The following TCF12 variants were observed in gnomAD, a reference collection of about 807,000 sequenced individuals.
The protein encoded by TCF12 is transcription factor 12, also known as DNA-binding protein HTF4.
In TCF12, 45 loss-of-function variants were observed where a neutral mutation model predicts 86.0. The observed-to-expected ratio is 0.52, with a 90% confidence interval of 0.41 to 0.67. The LOEUF is 0.67. Among genes scored for constraint, TCF12 ranks in the 30% least tolerant of loss-of-function variants. The pLI is 0.00. For missense variants in TCF12, 881 were observed against 859.9 expected (o/e 1.02, Z -0.31); for synonymous variants, 330 against 299.6 (o/e 1.10, Z -1.05).
chr15:57,049,932 T>G (rs1470327393), intron 3 of TCF12, among the ~76,000 whole-genome samples: 2 of 152,240 alleles, frequency 1.3e-5, no homozygotes, highest in Non-Finnish European at 2.9e-5. Flanking sequence ...GACTTATTAA[T>G]CAAATATTTT....
chr15:57,077,747 A>AG (rs1190532363), intron 4 of TCF12, among the ~76,000 whole-genome samples: 1 of 117,250 alleles, frequency 8.5e-6, no homozygotes, highest in Non-Finnish European at 2.0e-5. Flanking sequence ...GTAGTTTTTT[A>AG]AAAAAAAAAA....
intron 6 of TCF12, among the ~76,000 whole-genome samples, chr15:57,189,093 G>A (rs1346875518): frequency 6.6e-6 from 1 of 152,106 alleles, no homozygotes; most frequent in African/African-American, 2.4e-5. Flanking sequence ...CTAGCCTACA[G>A]TAATGAACTC....
intron 3 of TCF12, among the ~76,000 whole-genome samples, chr15:56,936,500 T>G (rs567665422): frequency 5.3e-5 from 8 of 152,262 alleles, no homozygotes; most frequent in Admixed American, 5.2e-4. Context: ...GCTACCTCTT[T>G]ATCTTTGTTT....
Position 57,075,809 on chromosome 15 carries a change from TCTC to T in TCF12, c.222+11987_222+11989del, listed in dbSNP as rs1567370743. ...TTCTTTCTTTCTTTCTTTCTTTCTCTCTCTCTCTCTCTCTCTCTCTCTCTCTTT... is the reference window on the plus strand; with the variant it reads ...TTCTTTCTTTCTTTCTTTCTTTCTCTTCTCTCTCTCTCTCTCTCTCTCTTT... On this transcript the variant is annotated intron_variant, in intron 4 of 20. Coordinates refer to ENST00000333725, the MANE Select transcript of TCF12 (RefSeq NM_207037.2). Among the ~76,000 whole-genome samples the T allele has an allele frequency of 5.9e-4, 48 of 81,660 alleles. 1 individual carries two copies. Among genetic ancestry groups the T allele is most frequent in the African/African-American group, 2.6e-3 (48 of 18,724 alleles). 53.6% of individuals were successfully genotyped at this position (81,660 alleles called of 152,430 possible). A position where few individuals can be genotyped will look rare whatever the true frequency, so the allele number is the denominator to read the frequency against.
intron 17 of TCF12, among the ~76,000 whole-genome samples, chr15:57,262,661 A>G (rs1375735286): frequency 2.0e-5 from 3 of 152,180 alleles, no homozygotes; most frequent in African/African-American, 7.2e-5. Flanking sequence ...TAGAGCTTAC[A>G]AGTAAGTGTG....
chr15:57,054,172 T>C (rs1323125735), intron 3 of TCF12, among the ~76,000 whole-genome samples: 1 of 152,206 alleles, frequency 6.6e-6, no homozygotes. Context: ...ATTAATGGTC[T>C]AAGACTTGAA....
At chr15:57,090,889 G>T (rs1304986878) in intron 4 of TCF12, among the ~76,000 whole-genome samples, 2 of 152,140 alleles carry the variant, frequency 1.3e-5, no homozygotes, top group Admixed American at 6.6e-5. Flanking sequence ...TGGAGGTAAT[G>T]CTGTACTTAA....
intron 8 of TCF12, among the ~76,000 whole-genome samples, chr15:57,198,973 C>A (rs1194732470): frequency 6.6e-6 from 1 of 152,138 alleles, no homozygotes; most frequent in Non-Finnish European, 1.5e-5. Context: ...CCGTGTGATA[C>A]ATGAAAAGTC....
chr15:57,261,965 C>G (rs1414803657), intron 16 of TCF12, 129 bp from the exon 17 acceptor site: 5 of 542,016 alleles, frequency 9.2e-6, no homozygotes, highest in African/African-American at 1.9e-5. Context: ...ATAATGGCAT[C>G]CAGAAAAAGT....
chr15:57,044,396 T>C (rs1332647641), intron 3 of TCF12, among the ~76,000 whole-genome samples: 4 of 151,110 alleles, frequency 2.6e-5, no homozygotes, highest in African/African-American at 2.4e-5. Flanking sequence ...ACCCCGTCTC[T>C]TAAAAAAAAA....
At chr15:56,921,215 TGA>T in intron 3 of TCF12, 117 bp downstream of exon 3, 1 of 577,804 alleles carries the variant, frequency 1.7e-6, no homozygotes, top group Non-Finnish European at 2.6e-6. Flanking sequence ...AAGATGGAAT[TGA>T]GTCAAGTGAT....
At chr15:57,252,340 T>C in intron 14 of TCF12, 81 bp from the exon 15 acceptor site, 2 of 985,800 alleles carry the variant, frequency 2.0e-6, no homozygotes, top group Non-Finnish European at 3.2e-6. Flanking sequence ...TATGCTGACA[T>C]GCATATCAGC....
At chr15:56,993,728 T>G (rs117623680) in intron 3 of TCF12, among the ~76,000 whole-genome samples, 3,567 of 152,334 alleles carry the variant, frequency 0.023, 61 homozygotes, top group Non-Finnish European at 0.036. Context: ...ATAGAAGCCA[T>G]GTTAGAGCTC....
intron 16 of TCF12, 124 bp downstream of exon 16, chr15:57,253,592 CT>C: frequency 8.9e-7 from 1 of 1,123,446 alleles, no homozygotes; most frequent in Non-Finnish European, 1.3e-6. Flanking sequence ...TCAGAATTTT[CT>C]TTACTGTCTT....
chr15:57,018,058 T>G (rs1219032754), intron 3 of TCF12, among the ~76,000 whole-genome samples: 1 of 152,182 alleles, frequency 6.6e-6, no homozygotes, highest in East Asian at 1.9e-4. Flanking sequence ...AGTCAAAAAG[T>G]AATTTAGGAC....
At chr15:57,077,412 G>A (rs1212586906) in intron 4 of TCF12, among the ~76,000 whole-genome samples, 1 of 142,834 alleles carries the variant, frequency 7.0e-6, no homozygotes, top group African/African-American at 2.7e-5. Context: ...CTTTGCTCTG[G>A]CGCCCAGGCT....
intron 13 of TCF12, among the ~76,000 whole-genome samples, chr15:57,249,994 C>CT (rs1197968278): frequency 6.6e-6 from 1 of 151,756 alleles, no homozygotes; most frequent in Non-Finnish European, 1.5e-5. Flanking sequence ...TTTTATGCTT[C>CT]TTTTTTTTCA....
At chr15:57,231,037 C>A in intron 8 of TCF12, 115 bp from the exon 9 acceptor site, 1 of 669,914 alleles carries the variant, frequency 1.5e-6, no homozygotes, top group South Asian at 2.0e-5. Context: ...TTGTGGTAGC[C>A]CTTTATAAAA....
intron 4 of TCF12, among the ~76,000 whole-genome samples, chr15:57,069,172 T>C (rs1308703709): frequency 6.6e-6 from 1 of 152,124 alleles, no homozygotes; most frequent in Non-Finnish European, 1.5e-5. Context: ...AGGAGTATAT[T>C]GATACTCTTT....
Sources: gnomAD v4.1 joint callset for allele counts (sites outside exome capture counted in the v4.1 genomes callset) on GRCh38, gnomAD v4.1.1 for gene constraint, MANE v1.5 for transcripts, NCBI Gene and HGNC (gene_info 2026-07-23, HGNC 2026-07-21) for gene names.